The following SDHB variants were observed in gnomAD, a reference collection of about 807,000 sequenced individuals.
SDHB encodes the protein succinate dehydrogenase complex iron sulfur subunit B, also known as succinate dehydrogenase [ubiquinone] iron-sulfur subunit, mitochondrial.
Under a neutral mutation model 39.7 loss-of-function variants are expected in SDHB, and 21 were observed. That is an observed-to-expected ratio of 0.53 (90% CI 0.37 to 0.76). The LOEUF is 0.76. SDHB is among the 30% of genes least tolerant of loss of function. The probability of loss-of-function intolerance (pLI) is 0.00; values close to 1 mark genes in which losing one functional copy is unlikely to be tolerated. For missense variants in SDHB, 343 were observed against 350.9 expected (o/e 0.98, Z 0.18); for synonymous variants, 118 against 117.0 (o/e 1.01, Z -0.06).
At chr1:17,024,297 A>G (rs1428040435) in intron 5 of SDHB, among the ~76,000 whole-genome samples, 1 of 152,242 alleles carries the variant, frequency 6.6e-6, no homozygotes, top group Non-Finnish European at 1.5e-5. Context: ...AAATCCACGT[A>G]TAGTGCACTT....
In SDHB at chr1:17,024,180, T is replaced by C. The variant is rs1156941967; in HGVS notation, c.541-106A>G. On this transcript the variant is annotated intron_variant, in intron 5 of 7. Coordinates refer to ENST00000375499, the MANE Select transcript of SDHB (RefSeq NM_003000.3). Reference sequence around the variant, plus strand: ...GGGGTCAGTGCATGAACAAAGTGCCTACTTGCATGTGAATTTTCTTAGCAA... The same window carrying C: ...GGGGTCAGTGCATGAACAAAGTGCCCACTTGCATGTGAATTTTCTTAGCAA... 3 of 761,014 alleles carry C rather than the reference T, an allele frequency of 3.9e-6. No homozygotes were observed. The Admixed American group carries it at 6.0e-5, about 15-fold the overall frequency. The allele number at this position is 761,014 out of a possible 1,614,324, so 47.1% of individuals were successfully genotyped here. A position where few individuals can be genotyped will look rare whatever the true frequency, so the allele number is the denominator to read the frequency against.
In SDHB at chr1:17,028,773, A is replaced by G. The variant is rs1450435784; in HGVS notation, c.287-37T>C. On this transcript the variant is annotated intron_variant, in intron 3 of 7. Transcript: ENST00000375499. ...ACACATTTAACACATCCTCACCCATATCCGGAATCAGTCCTGCCCCAAATA... is the reference window on the plus strand; with the variant it reads ...ACACATTTAACACATCCTCACCCATGTCCGGAATCAGTCCTGCCCCAAATA... The G allele has an allele frequency of 3.1e-6, 5 of 1,610,258 alleles. No individual in the cohort carries two copies. The Admixed American group carries it at 8.3e-5, about 27-fold the overall frequency.
chr1:17,021,383 A>G (rs1160043639), intron 7 of SDHB, among the ~76,000 whole-genome samples: 1 of 152,104 alleles, frequency 6.6e-6, no homozygotes, highest in Non-Finnish European at 1.5e-5. Flanking sequence ...TCCAGGCTGC[A>G]GTGAGCTATG....
intron 3 of SDHB, among the ~76,000 whole-genome samples, chr1:17,030,660 G>A (rs1424371834): frequency 6.6e-6 from 1 of 151,872 alleles, no homozygotes; most frequent in African/African-American, 2.4e-5. Flanking sequence ...AAACCTGATT[G>A]CTTGAGAAAG....
At chr1:17,036,680 A>G (rs1208216482) in intron 2 of SDHB, among the ~76,000 whole-genome samples, 2 of 144,720 alleles carry the variant, frequency 1.4e-5, no homozygotes, top group East Asian at 3.9e-4. Flanking sequence ...TTACATATAT[A>G]AATATAAATA....
chr1:17,050,832 T>C (rs2078142499), intron 1 of SDHB, among the ~76,000 whole-genome samples: 1 of 152,206 alleles, frequency 6.6e-6, no homozygotes, highest in East Asian at 1.9e-4. Flanking sequence ...GTTATCTGTG[T>C]TCCACCAAAA....
intron 7 of SDHB, 99 bp downstream of exon 7, chr1:17,022,509 T>C: frequency 1.3e-6 from 2 of 1,509,706 alleles, no homozygotes; most frequent in South Asian, 2.3e-5. Flanking sequence ...CCTTCTCAAA[T>C]GACTAGGGTT....
chr1:17,021,212 G>C (rs2077960400), intron 7 of SDHB, among the ~76,000 whole-genome samples: 1 of 152,250 alleles, frequency 6.6e-6, no homozygotes, highest in Non-Finnish European at 1.5e-5. Context: ...GGACCTTTAA[G>C]AAGTGATTAG....
intron 5 of SDHB, among the ~76,000 whole-genome samples, chr1:17,024,281 G>A (rs1243993723): frequency 6.6e-6 from 1 of 152,096 alleles, no homozygotes; most frequent in Non-Finnish European, 1.5e-5. Context: ...TCTGCCCAGG[G>A]TTCTTAAATC....
chr1:17,035,868 A>G (rs138400084), intron 2 of SDHB, among the ~76,000 whole-genome samples: 1 of 152,172 alleles, frequency 6.6e-6, no homozygotes, highest in East Asian at 1.9e-4. Flanking sequence ...AAAAAAATAA[A>G]TAAATAAATA....
chr1:17,045,434 C>T (rs1287522341), intron 1 of SDHB, among the ~76,000 whole-genome samples: 3 of 151,856 alleles, frequency 2.0e-5, no homozygotes, highest in African/African-American at 2.4e-5. Flanking sequence ...GGAAACATGG[C>T]AAAACCCCAT....
intron 1 of SDHB, among the ~76,000 whole-genome samples, chr1:17,049,644 G>GTT (rs1570960889): frequency 8.7e-5 from 4 of 45,926 alleles, no homozygotes; most frequent in African/African-American, 3.2e-4. Flanking sequence ...TAATCCCCTA[G>GTT]TTCTTTTTTT....
intron 3 of SDHB, chr1:17,032,784 A>C: frequency 2.0e-6 from 1 of 495,636 alleles, no homozygotes; most frequent in Non-Finnish European, 3.7e-6. Flanking sequence ...AGCAGGTCCT[A>C]GCTAGGCCTT....
intron 3 of SDHB, among the ~76,000 whole-genome samples, chr1:17,029,880 C>T (rs949198591): frequency 1.3e-5 from 2 of 152,232 alleles, no homozygotes; most frequent in Non-Finnish European, 2.9e-5. Flanking sequence ...ACTACAGGCA[C>T]ATGCCGCCAT....
In SDHB at chr1:17,022,656, A is replaced by G. The variant is rs2101513742; in HGVS notation, c.717T>C (p.Ser239=). The G allele has an allele frequency of 1.9e-6, 3 of 1,614,018 alleles. No individual in the cohort carries two copies. The highest frequency in any genetic ancestry group is 2.5e-6 in the Non-Finnish European group (3 of 1,179,984). Residue 239 remains serine, a synonymous_variant, in exon 7 of 8, where the codon TCT becomes TCC. Coordinates refer to ENST00000375499, the MANE Select transcript of SDHB (RefSeq NM_003000.3). ...TCATGATGGTGTGGCAGCGGTATAG[A>G]GAGAATGGGTCCTGCAGCTTGGCCA... ...ERLAKLQDPF[S]LYRCHTIMNC...
intron 6 of SDHB, chr1:17,023,104 CTTG>C: frequency 5.9e-6 from 2 of 341,862 alleles, no homozygotes; most frequent in South Asian, 2.3e-5. Flanking sequence ...CCATGCTGGA[CTTG>C]CTGTCTCTGA....
intron 2 of SDHB, among the ~76,000 whole-genome samples, chr1:17,043,108 C>T (rs926732514): frequency 7.2e-5 from 11 of 151,754 alleles, no homozygotes; most frequent in Non-Finnish European, 1.6e-4. Context: ...ATCACAGGCA[C>T]CTGCCACAAC....
At chr1:17,021,958 C>T (rs764501709) in intron 7 of SDHB, among the ~76,000 whole-genome samples, 2 of 152,208 alleles carry the variant, frequency 1.3e-5, no homozygotes, top group African/African-American at 2.4e-5. Context: ...AAAGGGCAGC[C>T]GGTCTGTAGC....
intron 7 of SDHB, among the ~76,000 whole-genome samples, chr1:17,020,152 G>A (rs1241969707): frequency 6.6e-6 from 1 of 152,170 alleles, no homozygotes; most frequent in Non-Finnish European, 1.5e-5. Context: ...AATTTTCACT[G>A]TATATCCTTC....
Sources: allele counts gnomAD v4.1 joint callset (sites outside exome capture counted in the v4.1 genomes callset), GRCh38; gene constraint gnomAD v4.1.1; transcripts MANE v1.5; gene names NCBI Gene and HGNC (gene_info 2026-07-23, HGNC 2026-07-21).